Variants in OTUD7A observed in about 807,000 individuals in gnomAD.
The protein encoded by OTUD7A is OTU domain-containing protein 7A.
Under a neutral mutation model 65.7 loss-of-function variants are expected in OTUD7A, and 12 were observed. That is an observed-to-expected ratio of 0.18 (90% confidence interval 0.12 to 0.30). The LOEUF (loss-of-function observed/expected upper bound fraction) is 0.30, where lower values mean the gene tolerates loss of function less well. Among genes scored for constraint, OTUD7A ranks in the 10% least tolerant of loss-of-function variants. OTUD7A has a pLI of 1.00. For missense variants in OTUD7A, 1,148 were observed against 1,304.8 expected (o/e 0.88, Z 1.85); for synonymous variants, 641 against 586.3 (o/e 1.09, Z -1.35).
At chr15:31,667,569 T>G (rs1892355287) in intron 1 of OTUD7A, among the ~76,000 whole-genome samples, 1 of 152,156 alleles carries the variant, frequency 6.6e-6, no homozygotes, top group Non-Finnish European at 1.5e-5. Flanking sequence ...CATTGGTGAG[T>G]TCTTATTTAT....
intron 8 of OTUD7A, among the ~76,000 whole-genome samples, chr15:31,512,630 G>A (rs899335369): frequency 6.6e-6 from 1 of 152,120 alleles, no homozygotes; most frequent in Non-Finnish European, 1.5e-5. Context: ...GTTTTGATTG[G>A]TTAGTAACTT....
At chr15:31,632,244 T>A (rs1412918320) in intron 3 of OTUD7A, among the ~76,000 whole-genome samples, 1 of 152,226 alleles carries the variant, frequency 6.6e-6, no homozygotes, top group Non-Finnish European at 1.5e-5. Flanking sequence ...TCTTTGATGA[T>A]GGTGACGTAC....
In OTUD7A at chr15:31,808,136, C is replaced by CACACACACAAAAAAA. The variant is rs772574742; in HGVS notation, c.-100+62370_-100+62371insTTTTTTTGTGTGTGT. On this transcript the variant is annotated intron_variant, in intron 1 of 12. Transcript: ENST00000307050. ...ACACACACACACACACACACACACACAAACAAATCCTCACCAGGTTTTTCC... is the reference window on the plus strand; with the variant it reads ...ACACACACACACACACACACACACACACACACACAAAAAAAAAACAAATCCTCACCAGGTTTTTCC... Among the ~76,000 whole-genome samples the CACACACACAAAAAAA allele has an allele frequency of 3.0e-4, 36 of 119,504 alleles. 1 individual carries two copies. The East Asian group carries it at 3.1e-3, about 10-fold the overall frequency. 78.4% of individuals were successfully genotyped at this position (119,504 alleles called of 152,430 possible).
intron 1 of OTUD7A, among the ~76,000 whole-genome samples, chr15:31,769,225 A>G (rs1039471615): frequency 3.3e-5 from 5 of 152,206 alleles, no homozygotes; most frequent in Non-Finnish European, 7.3e-5. Context: ...TTAACATCAG[A>G]TATATTGTCA....
At chr15:31,842,840 A>C (rs757866946) in intron 1 of OTUD7A, among the ~76,000 whole-genome samples, 1 of 152,188 alleles carries the variant, frequency 6.6e-6, no homozygotes, top group Non-Finnish European at 1.5e-5. Context: ...TGTTGGGCCC[A>C]GAATTCCAAA....
chr15:31,667,549 G>A (rs1345209921), intron 1 of OTUD7A, among the ~76,000 whole-genome samples: 2 of 152,210 alleles, frequency 1.3e-5, no homozygotes, highest in Admixed American at 6.5e-5. Flanking sequence ...CCTGAAGGCA[G>A]CAGATAGTTC....
chr15:31,787,626 T>C (rs1317838034), intron 1 of OTUD7A: 1 of 152,216 alleles, frequency 6.6e-6, no homozygotes, highest in Non-Finnish European at 1.5e-5. Context: ...AGACTTTGAA[T>C]GTGATAAGTG....
chr15:31,813,072 A>T (rs1232937179), intron 1 of OTUD7A, among the ~76,000 whole-genome samples: 1 of 152,218 alleles, frequency 6.6e-6, no homozygotes, highest in Non-Finnish European at 1.5e-5. Flanking sequence ...AAGACACCTG[A>T]TGCGGCAGCT....
At chr15:31,517,296 T>C (rs570816902) in intron 8 of OTUD7A, among the ~76,000 whole-genome samples, 1 of 152,268 alleles carries the variant, frequency 6.6e-6, no homozygotes, top group African/African-American at 2.4e-5. Flanking sequence ...GCAAACAAGA[T>C]CTTATCTGGG....
chr15:31,569,700 A>G (rs894137282), intron 4 of OTUD7A, among the ~76,000 whole-genome samples: 2 of 152,206 alleles, frequency 1.3e-5, no homozygotes, highest in South Asian at 4.1e-4. Context: ...TACTTTGGAA[A>G]TATGTGAAAG....
chr15:31,688,793 C>A (rs1892900062), intron 1 of OTUD7A, among the ~76,000 whole-genome samples: 1 of 150,264 alleles, frequency 6.7e-6, no homozygotes. Context: ...TGTGTATAAA[C>A]AATTGGTAAA....
intron 1 of OTUD7A, among the ~76,000 whole-genome samples, chr15:31,754,839 T>C (rs777527688): frequency 2.6e-5 from 4 of 152,140 alleles, no homozygotes; most frequent in Non-Finnish European, 4.4e-5. Flanking sequence ...CATTTTGACA[T>C]TGTGAACCTC....
At chr15:31,818,966 A>AC (rs1896616405) in intron 1 of OTUD7A, among the ~76,000 whole-genome samples, 1 of 152,182 alleles carries the variant, frequency 6.6e-6, no homozygotes, top group South Asian at 2.1e-4. Context: ...GTCCTGTGGG[A>AC]CAGAGGGACA....
rs187999179 is a variant in OTUD7A, at chr15:31,587,107, T to C, written c.152-16910A>G. Among the ~76,000 whole-genome samples, 389 of 152,254 alleles carry C rather than the reference T, an allele frequency of 2.6e-3. 1 individual carries two copies. The highest frequency in any genetic ancestry group is 8.8e-3 in the African/African-American group (367 of 41,542). The stretch of plus-strand genomic sequence containing the variant: ...TAACACAGCCTAAGCCAAAGATCCA[T>C]GCATCATGCTTGACTCTGTTCTTAC... On this transcript the variant is annotated intron_variant, in intron 3 of 12. Transcript: ENST00000307050.
At chr15:31,544,997 A>G (rs1367993683) in intron 5 of OTUD7A, among the ~76,000 whole-genome samples, 4 of 152,150 alleles carry the variant, frequency 2.6e-5, no homozygotes, top group Non-Finnish European at 2.9e-5. Context: ...ACTCCTAGAA[A>G]TATCCCCACA....
At chr15:31,771,834 T>C (rs1895242547) in intron 1 of OTUD7A, among the ~76,000 whole-genome samples, 1 of 152,200 alleles carries the variant, frequency 6.6e-6, no homozygotes, top group Admixed American at 6.5e-5. Flanking sequence ...CCTTAGAGCC[T>C]GCCAAACTCC....
chr15:31,656,394 T>C (rs1262087583), intron 2 of OTUD7A, among the ~76,000 whole-genome samples: 1 of 152,214 alleles, frequency 6.6e-6, no homozygotes, highest in Non-Finnish European at 1.5e-5. Flanking sequence ...AATGAAGTTT[T>C]ATGGGAACAC....
chr15:31,848,569 T>C (rs1057426821), intron 1 of OTUD7A, among the ~76,000 whole-genome samples: 2 of 152,248 alleles, frequency 1.3e-5, no homozygotes, highest in Non-Finnish European at 2.9e-5. Flanking sequence ...CTCTCCTTTC[T>C]TTGCCCTCCG....
At chr15:31,808,136 C>CACACACA (rs772574742) in intron 1 of OTUD7A, among the ~76,000 whole-genome samples, 4 of 119,512 alleles carry the variant, frequency 3.3e-5, no homozygotes, top group African/African-American at 1.1e-4. Context: ...CACACACACA[C>CACACACA]AAACAAATCC....
Sources: gnomAD v4.1 joint callset for allele counts (sites outside exome capture counted in the v4.1 genomes callset) on GRCh38, gnomAD v4.1.1 for gene constraint, MANE v1.5 for transcripts, NCBI Gene and HGNC (gene_info 2026-07-23, HGNC 2026-07-21) for gene names.